HEATR1: variants seen among roughly 807,000 people sequenced by gnomAD.
The protein encoded by HEATR1 is HEAT repeat containing 1, also known as HEAT repeat-containing protein 1.
HEATR1 carries 77 observed loss-of-function variants against 248.2 expected under a neutral mutation model. That is an observed-to-expected ratio of 0.31 (90% CI 0.26 to 0.37). HEATR1 has a LOEUF of 0.37. Among genes scored for constraint, HEATR1 ranks in the 10% least tolerant of loss-of-function variants. The probability of loss-of-function intolerance (pLI) is 1.00; values close to 1 mark genes in which losing one functional copy is unlikely to be tolerated. For missense variants in HEATR1, 2,420 were observed against 2,504.9 expected (o/e 0.97, Z 0.72); for synonymous variants, 897 against 923.1 (o/e 0.97, Z 0.51).
Position 236,563,934 on chromosome 1 carries a change from G to C in HEATR1, c.4599+564C>G, listed in dbSNP as rs555232790. The stretch of plus-strand genomic sequence containing the variant: ...ATTTGACATCAGCCTGGGTAATAGA[G>C]CGAGACCCTGTCTCTATAAAAAAAG... On this transcript the variant is annotated intron_variant, in intron 32 of 44. Coordinates refer to ENST00000366582, the MANE Select transcript of HEATR1 (RefSeq NM_018072.6). 5.9e-5 allele frequency among the ~76,000 whole-genome samples: 9 copies of C among 152,270 alleles called. No homozygotes were observed. In the South Asian group the frequency reaches 1.9e-3, roughly 32 times the overall value.
Position 236,549,028 on chromosome 1 carries a change from G to T in HEATR1, c.*1874C>A, listed in dbSNP as rs531298834. On this transcript the variant is annotated 3_prime_UTR_variant, in exon 45 of 45. Transcript: ENST00000366582. ...CATTCAATTTGAAAGATATTTATGG[G>T]CAACAAAGTAAGGTCAGGATTAGAC... 1 of 398,546 alleles carries T rather than the reference G, an allele frequency of 2.5e-6. No individual in the cohort carries two copies. Among genetic ancestry groups the T allele is most frequent in the South Asian group, 1.3e-4 (1 of 7,850 alleles). The allele number at this position is 398,546 out of a possible 1,614,324, so 24.7% of individuals were successfully genotyped here.
intron 18 of HEATR1, 55 bp from the exon 19 acceptor site, chr1:236,582,927 G>T (rs1055678542): frequency 1.9e-6 from 3 of 1,605,944 alleles, no homozygotes; most frequent in Non-Finnish European, 2.6e-6. Context: ...CATGCTGGGA[G>T]CTTTTTATTC....
chr1:236,596,954 C>A lies in HEATR1; in HGVS notation c.626G>T (p.Ser209Ile). ...SVKVFAEYPGSSAQLRVLLAF... is the reference protein window; with the variant it reads ...SVKVFAEYPGISAQLRVLLAF... ...CAAGAGCACCCTCAACTGAGCTGAG[C>A]TGCCCGGGTACTCAGCAAAAACCTG... The change falls in exon 6 of 45, where the codon AGC (serine) becomes ATC (isoleucine). Residue 209 changes from serine to isoleucine, a missense_variant. Transcript: ENST00000366582. The A allele has an allele frequency of 6.2e-7, 1 of 1,613,498 alleles. No homozygotes were observed. The highest frequency in any genetic ancestry group is 8.5e-7 in the Non-Finnish European group (1 of 1,179,884).
intron 29 of HEATR1, 37 bp from the exon 30 acceptor site, chr1:236,566,913 A>G (rs1663287883): frequency 2.2e-6 from 3 of 1,392,832 alleles, no homozygotes; most frequent in Non-Finnish European, 3.1e-6. Flanking sequence ...AGTAGGTGCA[A>G]GTAATCTTCC....
At chr1:236,567,141 C>T (rs1014406142) in intron 29 of HEATR1, among the ~76,000 whole-genome samples, 1 of 152,046 alleles carries the variant, frequency 6.6e-6, no homozygotes, top group African/African-American at 2.4e-5. Context: ...AGGACCCCAC[C>T]ACCACTTTTT....
At chr1:236,566,157 AGAG>A in intron 30 of HEATR1, 112 bp from the exon 31 acceptor site, 1 of 1,058,142 alleles carries the variant, frequency 9.5e-7, no homozygotes. Context: ...TACTTTATTT[AGAG>A]TGGGTCGAGA....
rs1662593304 is a variant in HEATR1 at position 236,549,121 on chromosome 1, G to T, written c.*1781C>A. 2.5e-6 allele frequency: 1 copy of T among 397,276 alleles called. No individual in the cohort carries two copies. The highest frequency in any genetic ancestry group is 4.4e-6 in the Non-Finnish European group (1 of 225,546). 24.6% of individuals were successfully genotyped at this position (397,276 alleles called of 1,614,324 possible). On this transcript the variant is annotated 3_prime_UTR_variant, in exon 45 of 45. Transcript: ENST00000366582. ...AACTAAGGGACCCACAAAGCAGGCA[G>T]AGGTAATGCAGAAATCTGTTTTGTT... is the stretch of plus-strand genomic sequence containing the variant.
chr1:236,575,637 G>T (rs1014224770), intron 22 of HEATR1, among the ~76,000 whole-genome samples: 3 of 152,134 alleles, frequency 2.0e-5, no homozygotes, highest in Admixed American at 1.3e-4. Flanking sequence ...GCTCATTTTA[G>T]TTCTCTAAGC....
At chr1:236,574,439 A>G in intron 23 of HEATR1, 106 bp from the exon 24 acceptor site, 1 of 1,385,112 alleles carries the variant, frequency 7.2e-7, no homozygotes, top group Non-Finnish European at 9.9e-7. Context: ...TTCCCACTTA[A>G]TTTTGTCAGT....
chr1:236,584,019 T>C (rs1663822585), intron 17 of HEATR1, among the ~76,000 whole-genome samples: 1 of 152,112 alleles, frequency 6.6e-6, no homozygotes, highest in South Asian at 2.1e-4. Context: ...TATGACTCTG[T>C]ACAAGCAGTA....
intron 9 of HEATR1, among the ~76,000 whole-genome samples, chr1:236,593,200 AAAAAAAAAAAGG>A (rs548324156): frequency 1.2e-3 from 144 of 116,662 alleles, no homozygotes; most frequent in African/African-American, 6.0e-3. Context: ...ATCTTAAAGA[AAAAAAAAAAAGG>A]AAAAGAAACT....
Position 236,566,896 on chromosome 1 carries a change from G to C in HEATR1, c.4078-20C>G. ...ATCAGACTGCAAAACAGCAAGCAGA[G>C]ACAATGAGTAGGTGCAAGTAATCTT... is the stretch of plus-strand genomic sequence containing the variant. On this transcript the variant is annotated intron_variant, in intron 29 of 44. Coordinates refer to ENST00000366582, the MANE Select transcript of HEATR1 (RefSeq NM_018072.6). 1 of 1,520,744 alleles carries C rather than the reference G, an allele frequency of 6.6e-7. No individual in the cohort carries two copies. The highest frequency in any genetic ancestry group is 2.3e-5 in the East Asian group (1 of 44,350). 94.2% of individuals were successfully genotyped at this position (1,520,744 alleles called of 1,614,324 possible).
intron 9 of HEATR1, 46 bp from the exon 10 acceptor site, chr1:236,592,679 TTTA>T (rs1664072278): frequency 6.9e-6 from 5 of 725,642 alleles, no homozygotes; most frequent in Non-Finnish European, 1.2e-5. Context: ...AGAGTTACTA[TTTA>T]TTGAGTACCT....
At chr1:236,601,490 A>C (rs1332166929) in intron 3 of HEATR1, among the ~76,000 whole-genome samples, 2 of 152,136 alleles carry the variant, frequency 1.3e-5, no homozygotes, top group African/African-American at 4.8e-5. Context: ...AATTAATGGA[A>C]TAGAAATCTA....
At chr1:236,564,722 T>G in intron 31 of HEATR1, 61 bp from the exon 32 acceptor site, 1 of 1,456,192 alleles carries the variant, frequency 6.9e-7, no homozygotes, top group Non-Finnish European at 9.4e-7. Flanking sequence ...CATACAGAAT[T>G]AACAGATATA....
Position 236,554,612 on chromosome 1 carries a change from G to T in HEATR1, c.6064C>A (p.Pro2022Thr). ...SKERAEALMMPLVDQLENRLG... is the reference protein window; with the variant it reads ...SKERAEALMMTLVDQLENRLG... ...TGTTTGGTTACCTGATCCACCAGAGGCATCATCAAGGCTTCTGCTCTCTCT... is the reference window on the plus strand; with the variant it reads ...TGTTTGGTTACCTGATCCACCAGAGTCATCATCAAGGCTTCTGCTCTCTCT... Residue 2022 changes from proline (P) to threonine (T), a missense_variant, in exon 42 of 45, where the codon CCT becomes ACT. Pro to Thr is a conservative substitution (Grantham distance 38). Transcript: ENST00000366582. 1 of 1,610,968 alleles carries T rather than the reference G, an allele frequency of 6.2e-7. No individual in the cohort carries two copies. The highest frequency in any genetic ancestry group is 8.5e-7 in the Non-Finnish European group (1 of 1,179,198).
At chr1:236,593,809 A>AT (rs1664105471) in intron 9 of HEATR1, among the ~76,000 whole-genome samples, 1 of 152,160 alleles carries the variant, frequency 6.6e-6, no homozygotes, top group Non-Finnish European at 1.5e-5. Flanking sequence ...ATTTTCATCT[A>AT]TAAGCACTAA....
Position 236,566,868 on chromosome 1 carries a change from A to G in HEATR1, c.4086T>C (p.Ser1362=). ...MVIPALIQSD[S]GDSIEVSRNV... is the part of the protein sequence containing the mutation. ...TTCTTGAAACTTCTATAGAATCTCC[A>G]CTATCAGACTGCAAAACAGCAAGCA... is the stretch of plus-strand genomic sequence containing the variant. Residue 1362 remains serine, a synonymous_variant, in exon 30 of 45, where the codon AGT becomes AGC. Transcript: ENST00000366582. 6.2e-7 allele frequency: 1 copy of G among 1,610,160 alleles called. No individual in the cohort carries two copies. Among genetic ancestry groups the G allele is most frequent in the Non-Finnish European group, 8.5e-7 (1 of 1,176,482 alleles).
intron 14 of HEATR1, among the ~76,000 whole-genome samples, chr1:236,586,859 A>G (rs150911161): frequency 1.3e-5 from 2 of 152,142 alleles, no homozygotes; most frequent in African/African-American, 4.8e-5. Flanking sequence ...AAAAAAATGA[A>G]CCAAGCACAT....
Sources: gnomAD v4.1 joint callset for allele counts (sites outside exome capture counted in the v4.1 genomes callset) on GRCh38, gnomAD v4.1.1 for gene constraint, MANE v1.5 for transcripts, NCBI Gene and HGNC (gene_info 2026-07-23, HGNC 2026-07-21) for gene names.